The following PRKG1 variants were observed in gnomAD, a reference collection of about 807,000 sequenced individuals.
PRKG1 encodes the protein cGMP-dependent protein kinase 1.
PRKG1 carries 35 observed loss-of-function variants against 88.1 expected under a neutral mutation model. The observed-to-expected ratio is 0.40, with a 90% CI of 0.30 to 0.53. PRKG1 has a LOEUF of 0.53. Among genes scored for constraint, PRKG1 ranks in the 20% least tolerant of loss-of-function variants. PRKG1 has a pLI of 0.59. For synonymous variants in PRKG1, 303 were observed against 292.5 expected, an observed-to-expected ratio of 1.04 and a Z score of -0.37; for missense variants, 540 against 839.8, an observed-to-expected ratio of 0.64 and a Z score of 4.41.
At position 52,185,239 on chromosome 10, in the gene PRKG1, A is replaced by G. The variant is rs934713537; in HGVS notation, c.1076+23276A>G. Among the ~76,000 whole-genome samples the G allele has an allele frequency of 2.0e-5, 3 of 152,332 alleles. 1 individual carries two copies. Among genetic ancestry groups the G allele is most frequent in the Middle Eastern group, 6.8e-3 (2 of 294 alleles). On this transcript the variant is annotated intron_variant, in intron 9 of 17. Coordinates refer to ENST00000373980, the MANE Select transcript of PRKG1 (RefSeq NM_006258.4). ...CATTGGGTAAACATGACCATTCCAA[A>G]AGGGACAAATTGGCCAAAAGAACAG...
At chr10:51,894,870 C>T (rs760697000) in intron 4 of PRKG1, among the ~76,000 whole-genome samples, 12 of 152,136 alleles carry the variant, frequency 7.9e-5, no homozygotes, top group Non-Finnish European at 1.3e-4. Flanking sequence ...TGGCAGCTAT[C>T]TGGTATTGCT....
chr10:51,049,338 A>G (rs142051319), intron 1 of PRKG1, among the ~76,000 whole-genome samples: 7 of 152,340 alleles, frequency 4.6e-5, no homozygotes, highest in African/African-American at 1.2e-4. Context: ...CATAACTGCC[A>G]CTTGAGTGTG....
In PRKG1 at chr10:52,166,916, C is replaced by CAT. The variant is rs1554812360; in HGVS notation, c.1076+4961_1076+4962dup. On this transcript the variant is annotated intron_variant, in intron 9 of 17. Coordinates refer to ENST00000373980, the MANE Select transcript of PRKG1 (RefSeq NM_006258.4). Reference sequence around the variant, plus strand: ...ACACACACACACACACACACACACACATATATATAAGCCAAGATAGAGAAA... The same window carrying CAT: ...ACACACACACACACACACACACACACATATATATATAAGCCAAGATAGAGAAA... Among the ~76,000 whole-genome samples the CAT allele has an allele frequency of 2.9e-3, 377 of 127,876 alleles. 4 individuals carry two copies. Among genetic ancestry groups the CAT allele is most frequent in the African/African-American group, 0.011 (352 of 33,248 alleles). The allele number at this position is 127,876 out of a possible 152,430, so 83.9% of individuals were successfully genotyped here. A position where few individuals can be genotyped will look rare whatever the true frequency, so the allele number is the denominator to read the frequency against.
At position 52,280,786 on chromosome 10, in the gene PRKG1, C is replaced by G; in HGVS notation, c.1404-3C>G. 6.2e-7 allele frequency: 1 copy of G among 1,612,048 alleles called. No homozygotes were observed. Among genetic ancestry groups the G allele is most frequent in the Non-Finnish European group, 8.5e-7 (1 of 1,178,696 alleles). Reference sequence around the variant, plus strand: ...CAATTTTCATTCCATTTCTGCACCTCAGAGGTTCGTTTGAAGATTCTACAA... The same window carrying G: ...CAATTTTCATTCCATTTCTGCACCTGAGAGGTTCGTTTGAAGATTCTACAA... On this transcript the variant is annotated splice_region_variant and splice_polypyrimidine_tract_variant and intron_variant, in intron 12 of 17. Transcript: ENST00000373980.
intron 3 of PRKG1, among the ~76,000 whole-genome samples, chr10:51,542,307 G>T (rs190521282): frequency 2.2e-4 from 34 of 152,244 alleles, no homozygotes; most frequent in African/African-American, 6.7e-4. Context: ...GAAACGTTCC[G>T]TGTCTTGTAA....
chr10:52,119,984 AGT>A (rs1847779669), intron 7 of PRKG1, among the ~76,000 whole-genome samples: 1 of 148,660 alleles, frequency 6.7e-6, no homozygotes, highest in African/African-American at 2.5e-5. Context: ...AGAGAGGGAA[AGT>A]GAGACAGAGA....
At chr10:52,048,507 C>A (rs917531803) in intron 5 of PRKG1, among the ~76,000 whole-genome samples, 3 of 151,998 alleles carry the variant, frequency 2.0e-5, no homozygotes, top group Non-Finnish European at 2.9e-5. Context: ...TTATATTCAC[C>A]AAGGAGTCAC....
chr10:51,852,389 G>A (rs141869887), intron 4 of PRKG1, among the ~76,000 whole-genome samples: 4 of 151,742 alleles, frequency 2.6e-5, no homozygotes, highest in African/African-American at 9.7e-5. Flanking sequence ...GAGAGAGAGA[G>A]AGAGAGGAAA....
intron 2 of PRKG1, among the ~76,000 whole-genome samples, chr10:51,357,918 T>C (rs1703718682): frequency 6.6e-6 from 1 of 152,002 alleles, no homozygotes; most frequent in South Asian, 2.1e-4. Flanking sequence ...AAGTTTTCAT[T>C]ACTGTTCAAT....
At position 52,043,254 on chromosome 10, in the gene PRKG1, T is replaced by A. The variant is rs929061158; in HGVS notation, c.763-11230T>A. The stretch of plus-strand genomic sequence containing the variant: ...AAGGAAATGAAACCATGTATTGAAG[T>A]GATATCTGGACTTCGGTGTTTATTG... On this transcript the variant is annotated intron_variant, in intron 5 of 17. Transcript: ENST00000373980. 3.3e-5 allele frequency among the ~76,000 whole-genome samples: 5 copies of A among 152,206 alleles called. No homozygotes were observed. In the East Asian group the frequency reaches 9.6e-4, roughly 29 times the overall value.
At chr10:51,308,609 C>T (rs192707408) in intron 2 of PRKG1, among the ~76,000 whole-genome samples, 34 of 152,130 alleles carry the variant, frequency 2.2e-4, no homozygotes, top group Admixed American at 3.9e-4. Context: ...CCCTAACAAT[C>T]AGTAGTCAGT....
chr10:52,156,212 A>ATTAG (rs67506753), intron 8 of PRKG1, among the ~76,000 whole-genome samples: 1 of 151,734 alleles, frequency 6.6e-6, no homozygotes, highest in Non-Finnish European at 1.5e-5. Context: ...AATACTAATA[A>ATTAG]TTAGTTAGTT....
chr10:51,366,228 A>T (rs1842587589), intron 2 of PRKG1, among the ~76,000 whole-genome samples: 1 of 151,886 alleles, frequency 6.6e-6, no homozygotes, highest in African/African-American at 2.4e-5. Flanking sequence ...GACACCAACC[A>T]ACTGGAAACC....
In PRKG1 at chr10:51,011,076, T is replaced by C. The variant is rs1364055130; in HGVS notation, c.266+19432T>C. ...GCACATCATAACTAAAAAGCACCAA[T>C]AAATTTCCTAAGTTACCACAAGGGG... On this transcript the variant is annotated intron_variant, in intron 1 of 17. Coordinates refer to the PRKG1 transcript ENST00000401604. Among the ~76,000 whole-genome samples the C allele has an allele frequency of 4.6e-5, 7 of 152,266 alleles. No individual in the cohort carries two copies. The South Asian group carries it at 8.3e-4, about 18-fold the overall frequency.
intron 3 of PRKG1, among the ~76,000 whole-genome samples, chr10:51,560,497 AT>A (rs1837430484): frequency 6.6e-6 from 1 of 152,096 alleles, no homozygotes; most frequent in Admixed American, 6.6e-5. Flanking sequence ...TTTAGTTCTA[AT>A]TTTTTGAAAA....
At chr10:51,484,361 C>T (rs950443673) in intron 3 of PRKG1, among the ~76,000 whole-genome samples, 5 of 152,094 alleles carry the variant, frequency 3.3e-5, no homozygotes, top group African/African-American at 1.2e-4. Flanking sequence ...CATTTATTTA[C>T]TTTTTAAAAG....
rs138425544 is a variant in PRKG1 at position 51,193,236 on chromosome 10, G to A, written c.478+39906G>A. On this transcript the variant is annotated intron_variant, in intron 2 of 17. Transcript: ENST00000373980. Reference sequence around the variant, plus strand: ...GAATGAAGGTACTTGAATATAGCTCGAGCATAGAGTAGCTTTTATCAGTAT... The same window carrying A: ...GAATGAAGGTACTTGAATATAGCTCAAGCATAGAGTAGCTTTTATCAGTAT... Among the ~76,000 whole-genome samples, 42 of 152,056 alleles carry A rather than the reference G, an allele frequency of 2.8e-4. 1 individual carries two copies. The East Asian group carries it at 7.0e-3, about 25-fold the overall frequency.
chr10:51,066,003 CAA>C (rs530959743), intron 1 of PRKG1, among the ~76,000 whole-genome samples: 1 of 151,872 alleles, frequency 6.6e-6, no homozygotes, highest in African/African-American at 2.4e-5. Context: ...ATAAATGACT[CAA>C]GAGATGAGAG....
chr10:51,103,529 A>T (rs1844738678), intron 1 of PRKG1, among the ~76,000 whole-genome samples: 1 of 152,234 alleles, frequency 6.6e-6, no homozygotes, highest in African/African-American at 2.4e-5. Flanking sequence ...TAGACCGAAG[A>T]CATTTCTGAT....
Sources: gnomAD v4.1 joint callset for allele counts (sites outside exome capture counted in the v4.1 genomes callset) on GRCh38, gnomAD v4.1.1 for gene constraint, MANE v1.5 for transcripts, NCBI Gene and HGNC (gene_info 2026-07-23, HGNC 2026-07-21) for gene names.